The following BCKDHB variants were observed in gnomAD, a reference collection of about 807,000 sequenced individuals.
The protein encoded by BCKDHB is branched chain keto acid dehydrogenase E1 subunit beta.
A neutral mutation model predicts 48.5 loss-of-function variants in BCKDHB; 41 were observed. That is an observed-to-expected ratio of 0.85 (90% CI 0.66 to 1.10). The LOEUF (loss-of-function observed/expected upper bound fraction) is 1.10, where lower values mean the gene tolerates loss of function less well. BCKDHB is among the 50% of genes least tolerant of loss of function. The pLI is 0.00. For synonymous variants in BCKDHB, 201 were observed against 174.8 expected, an observed-to-expected ratio of 1.15 and a Z score of -1.18; for missense variants, 496 against 494.2, an observed-to-expected ratio of 1.00 and a Z score of -0.03.
the BCKDHB span, among the ~76,000 whole-genome samples, chr6:80,428,635 T>C: frequency 4.6e-5 from 7 of 152,248 alleles, no homozygotes; most frequent in African/African-American, 1.7e-4. Flanking sequence ...ATGATGAGCA[T>C]TTTTTCATGT....
At chr6:80,370,795 CGT>C in the BCKDHB span, among the ~76,000 whole-genome samples, 543 of 87,820 alleles carry the variant, frequency 6.2e-3, 5 homozygotes, top group African/African-American at 0.023. Flanking sequence ...GTATATATAG[CGT>C]GTGTGTGTGT....
At chr6:80,128,655 C>G (rs142036880) in intron 2 of BCKDHB, among the ~76,000 whole-genome samples, 1 of 152,132 alleles carries the variant, frequency 6.6e-6, no homozygotes, top group African/African-American at 2.4e-5. Flanking sequence ...GGAAAAACCA[C>G]AGGCCTGGAA....
intron 6 of BCKDHB, among the ~76,000 whole-genome samples, chr6:80,200,405 T>C (rs1189350460): frequency 6.6e-6 from 1 of 152,204 alleles, no homozygotes; most frequent in Non-Finnish European, 1.5e-5. Context: ...TTTTTGGCCC[T>C]ACTATTTTTT....
chr6:80,180,773 G>A (rs775531667), intron 6 of BCKDHB, among the ~76,000 whole-genome samples: 4 of 152,140 alleles, frequency 2.6e-5, no homozygotes, highest in African/African-American at 4.8e-5. Flanking sequence ...TTTTTGCCAA[G>A]TATCAGTGTA....
At chr6:80,231,607 T>C (rs1163131258) in intron 8 of BCKDHB, among the ~76,000 whole-genome samples, 1 of 152,178 alleles carries the variant, frequency 6.6e-6, no homozygotes, top group African/African-American at 2.4e-5. Flanking sequence ...TAAAATGGGA[T>C]AGTAATAGTA....
At chr6:80,298,945 G>A (rs1230894979) in intron 9 of BCKDHB, among the ~76,000 whole-genome samples, 7 of 152,124 alleles carry the variant, frequency 4.6e-5, no homozygotes, top group Non-Finnish European at 8.8e-5. Context: ...CTATGGTCCC[G>A]TATATGCCTA....
the BCKDHB span, among the ~76,000 whole-genome samples, chr6:80,419,796 T>A: frequency 6.6e-6 from 1 of 152,230 alleles, no homozygotes; most frequent in Non-Finnish European, 1.5e-5. Context: ...TGTAGTCCCA[T>A]GAACGGTTCC....
At chr6:80,388,828 T>G in the BCKDHB span, among the ~76,000 whole-genome samples, 1 of 152,164 alleles carries the variant, frequency 6.6e-6, no homozygotes, top group Non-Finnish European at 1.5e-5. Flanking sequence ...CTACAGCCCC[T>G]TTTTAGGACA....
chr6:80,364,363 C>T, the BCKDHB span, among the ~76,000 whole-genome samples: 1 of 152,148 alleles, frequency 6.6e-6, no homozygotes, highest in Non-Finnish European at 1.5e-5. Flanking sequence ...ATCATTCAAT[C>T]AGGCATTGCT....
intron 1 of BCKDHB, among the ~76,000 whole-genome samples, chr6:80,115,917 T>TG (rs147205653): frequency 6.6e-6 from 1 of 151,604 alleles, no homozygotes; most frequent in African/African-American, 2.4e-5. Flanking sequence ...TTCTAAGGAA[T>TG]ATGAGGATGT....
chr6:80,376,331 A>T, the BCKDHB span, among the ~76,000 whole-genome samples: 65 of 152,212 alleles, frequency 4.3e-4, no homozygotes, highest in Admixed American at 1.0e-3. Flanking sequence ...CACACAGCCC[A>T]TACCCCAAAA....
chr6:80,210,412 G>C (rs901678630), intron 8 of BCKDHB, among the ~76,000 whole-genome samples: 1 of 152,042 alleles, frequency 6.6e-6, no homozygotes, highest in East Asian at 1.9e-4. Flanking sequence ...TAGAAGTCAG[G>C]CTAGTGATTA....
chr6:80,173,876 C>T (rs1773033284), intron 6 of BCKDHB, among the ~76,000 whole-genome samples: 1 of 150,242 alleles, frequency 6.7e-6, no homozygotes, highest in South Asian at 2.1e-4. Flanking sequence ...GTACTTTACA[C>T]TGGTGGTGTA....
chr6:80,179,135 A>AT (rs1773298620), intron 6 of BCKDHB, among the ~76,000 whole-genome samples: 1 of 152,058 alleles, frequency 6.6e-6, no homozygotes, highest in Non-Finnish European at 1.5e-5. Flanking sequence ...TGATTCTCCC[A>AT]TCTCAGCCTT....
intron 3 of BCKDHB, among the ~76,000 whole-genome samples, chr6:80,136,679 A>C (rs1770903234): frequency 6.6e-6 from 1 of 152,160 alleles, no homozygotes; most frequent in South Asian, 2.1e-4. Context: ...ACAGAATGGG[A>C]GAAAATACTT....
intron 3 of BCKDHB, among the ~76,000 whole-genome samples, chr6:80,143,199 T>C (rs1771308864): frequency 6.6e-6 from 1 of 152,128 alleles, no homozygotes; most frequent in Non-Finnish European, 1.5e-5. Flanking sequence ...GTGATAGCCA[T>C]AGCAGCTGTA....
the BCKDHB span, among the ~76,000 whole-genome samples, chr6:80,412,172 A>C: frequency 3.4e-5 from 5 of 147,598 alleles, no homozygotes. Flanking sequence ...TTTAGACAGA[A>C]TCTCACTGTC....
the BCKDHB span, among the ~76,000 whole-genome samples, chr6:80,422,503 A>AT: frequency 6.6e-6 from 1 of 152,160 alleles, no homozygotes; most frequent in African/African-American, 2.4e-5. Context: ...AAAAAGGTAG[A>AT]TACATTGAAA....
the BCKDHB span, among the ~76,000 whole-genome samples, chr6:80,390,045 T>C: frequency 6.6e-6 from 1 of 152,194 alleles, no homozygotes; most frequent in African/African-American, 2.4e-5. Context: ...GATTGCAACC[T>C]GGACACTTTG....
Sources: allele counts gnomAD v4.1 joint callset (sites outside exome capture counted in the v4.1 genomes callset), GRCh38; gene constraint gnomAD v4.1.1; transcripts MANE v1.5; gene names NCBI Gene and HGNC (gene_info 2026-07-23, HGNC 2026-07-21).